The following KANK4 variants were observed in gnomAD, a reference collection of about 807,000 sequenced individuals.
KANK4 encodes KN motif and ankyrin repeat domain-containing protein 4.
A neutral mutation model predicts 80.8 loss-of-function variants in KANK4; 50 were observed. That is an observed-to-expected ratio of 0.62 (90% CI 0.49 to 0.78). The LOEUF is 0.78. Among genes scored for constraint, KANK4 ranks in the 30% least tolerant of loss-of-function variants. KANK4 has a pLI of 0.00. For synonymous variants in KANK4, 465 were observed against 506.9 expected, an observed-to-expected ratio of 0.92 and a Z score of 1.11; for missense variants, 1,196 against 1,240.1, an observed-to-expected ratio of 0.96 and a Z score of 0.53.
At chr1:62,281,760 G>C (rs1377977869) in intron 1 of KANK4, 126 bp from the exon 2 acceptor site, 3 of 654,926 alleles carry the variant, frequency 4.6e-6, no homozygotes, top group Non-Finnish European at 8.2e-6. Flanking sequence ...TGAGCTCACA[G>C]CCCTCCAAGG....
At chr1:62,267,273 G>A (rs11579934) in intron 5 of KANK4, among the ~76,000 whole-genome samples, 62,730 of 151,934 alleles carry the variant, frequency 0.41, 13,197 homozygotes, top group South Asian at 0.59. Flanking sequence ...GAAGGACACC[G>A]TAAGTACTAA....
chr1:62,251,185 G>A (rs1671607499), intron 8 of KANK4, among the ~76,000 whole-genome samples: 2 of 152,304 alleles, frequency 1.3e-5, no homozygotes, highest in South Asian at 2.1e-4. Flanking sequence ...CTGCAACGCA[G>A]CCCACTCCAT....
rs186170337 is a variant in KANK4, at chr1:62,314,594, C to G, written c.-71+4512G>C. Among the ~76,000 whole-genome samples, 20 of 152,096 alleles carry G rather than the reference C, an allele frequency of 1.3e-4. 1 individual carries two copies. Among genetic ancestry groups the G allele is most frequent in the African/African-American group, 4.1e-4 (17 of 41,380 alleles). ...CTCCCTATGCTGTATTTCTCTCCCC[C>G]CTTGTCATTTGACGTCAGAGCCACA... On this transcript the variant is annotated intron_variant, in intron 1 of 9. Coordinates refer to ENST00000371153, the MANE Select transcript of KANK4 (RefSeq NM_181712.5).
At chr1:62,255,616 A>G (rs934801015) in intron 7 of KANK4, among the ~76,000 whole-genome samples, 4 of 151,622 alleles carry the variant, frequency 2.6e-5, no homozygotes, top group African/African-American at 9.7e-5. Context: ...GGGGATAACA[A>G]CACAACCTAC....
chr1:62,255,135 T>C (rs953990168), intron 7 of KANK4, among the ~76,000 whole-genome samples: 3 of 151,956 alleles, frequency 2.0e-5, no homozygotes, highest in African/African-American at 7.3e-5. Context: ...TCCACCCACC[T>C]CAGCCTCCCA....
chr1:62,261,469 C>T lies in KANK4; in HGVS notation c.2539+1623G>A, dbSNP rs147071580. ...GCCACCATGCCTGACCTCCCAATGG[C>T]TTTTTGCTGTTTGGTTCCTACCATC... On this transcript the variant is annotated intron_variant, in intron 7 of 9. Coordinates refer to ENST00000371153, the MANE Select transcript of KANK4 (RefSeq NM_181712.5). Among the ~76,000 whole-genome samples the T allele has an allele frequency of 1.3e-4, 20 of 152,158 alleles. No individual in the cohort carries two copies. The Middle Eastern group carries it at 0.01, about 78-fold the overall frequency.
rs1282615199 is a variant in KANK4, at chr1:62,279,198, G to GCGCGCA, written c.16+2350_16+2351insTGCGCG. On this transcript the variant is annotated intron_variant, in intron 2 of 9. Transcript: ENST00000371153. ...TAGGTGCTTTCCTAAGCTAGCGCGC[G>GCGCGCA]CACACACACACACACACACACACAC... is the stretch of plus-strand genomic sequence containing the variant. Among the ~76,000 whole-genome samples the GCGCGCA allele has an allele frequency of 1.4e-3, 202 of 146,278 alleles. 1 individual carries two copies. The highest frequency in any genetic ancestry group is 2.5e-3 in the South Asian group (11 of 4,422).
chr1:62,308,218 G>T (rs1217998479), intron 1 of KANK4, among the ~76,000 whole-genome samples: 1 of 152,174 alleles, frequency 6.6e-6, no homozygotes, highest in Non-Finnish European at 1.5e-5. Context: ...CTACAGTTAT[G>T]ATGGATGACA....
At chr1:62,265,385 G>A (rs886299471) in intron 6 of KANK4, among the ~76,000 whole-genome samples, 1 of 152,022 alleles carries the variant, frequency 6.6e-6, no homozygotes, top group African/African-American at 2.4e-5. Context: ...GACTACAGGC[G>A]TGTGCCACCA....
chr1:62,243,319 T>A (rs1036212478), intron 9 of KANK4, among the ~76,000 whole-genome samples: 1 of 150,530 alleles, frequency 6.6e-6, no homozygotes, highest in Non-Finnish European at 1.5e-5. Context: ...ATTGCAGCAC[T>A]ATTGATATTT....
In KANK4 at chr1:62,237,347, G is replaced by A. The variant is rs998903694; in HGVS notation, c.*930C>T. 1 of 151,996 alleles carries A rather than the reference G, an allele frequency of 6.6e-6. No individual in the cohort carries two copies. The highest frequency in any genetic ancestry group is 2.4e-5 in the African/African-American group (1 of 41,350). 9.4% of individuals were successfully genotyped at this position (151,996 alleles called of 1,614,324 possible). ...CTCAGAACAGATATTTGCTTCTAGG[G>A]GATATGAGGGGAAAGCACCGGGAAT... On this transcript the variant is annotated 3_prime_UTR_variant, in exon 10 of 10. Coordinates refer to ENST00000371153, the MANE Select transcript of KANK4 (RefSeq NM_181712.5).
chr1:62,313,146 A>G (rs939516769), intron 1 of KANK4, among the ~76,000 whole-genome samples: 2 of 152,180 alleles, frequency 1.3e-5, no homozygotes, highest in African/African-American at 4.8e-5. Flanking sequence ...TATTGTTGTT[A>G]ATCTCTTACT....
chr1:62,309,937 C>T (rs541051151), intron 1 of KANK4, among the ~76,000 whole-genome samples: 1 of 152,318 alleles, frequency 6.6e-6, no homozygotes, highest in African/African-American at 2.4e-5. Flanking sequence ...CACCCGAAGG[C>T]GGCCACCCAC....
rs562136938 is a variant in KANK4, at chr1:62,246,870, C to A, written c.2883+602G>T. ...CTGCCTCCCACGTTCAAGCGGTTCTCCTGCCTCAGCCTCCTGAGTAGCTGG... is the reference window on the plus strand; with the variant it reads ...CTGCCTCCCACGTTCAAGCGGTTCTACTGCCTCAGCCTCCTGAGTAGCTGG... On this transcript the variant is annotated intron_variant, in intron 9 of 9. Coordinates refer to ENST00000371153, the MANE Select transcript of KANK4 (RefSeq NM_181712.5). Among the ~76,000 whole-genome samples, 38 of 152,122 alleles carry A rather than the reference C, an allele frequency of 2.5e-4. 1 individual carries two copies. The South Asian group carries it at 7.3e-3, about 29-fold the overall frequency.
chr1:62,303,145 C>T (rs898192063), intron 1 of KANK4, among the ~76,000 whole-genome samples: 3 of 148,814 alleles, frequency 2.0e-5, no homozygotes, highest in African/African-American at 7.4e-5. Flanking sequence ...TTGCAATAGT[C>T]AGTGAGGATA....
At chr1:62,256,737 G>A (rs544962501) in intron 7 of KANK4, among the ~76,000 whole-genome samples, 3 of 152,234 alleles carry the variant, frequency 2.0e-5, no homozygotes, top group Admixed American at 6.5e-5. Context: ...ATACCAGGCC[G>A]TCAGTGGAGA....
At chr1:62,319,081 G>T (rs1015667160) in intron 1 of KANK4, 25 bp downstream of exon 1, 11 of 152,352 alleles carry the variant, frequency 7.2e-5, no homozygotes, top group Admixed American at 3.3e-4. Context: ...GCACTGCGGG[G>T]GACTGGGGTC....
At chr1:62,295,888 TG>T (rs1178350474) in intron 1 of KANK4, among the ~76,000 whole-genome samples, 1 of 152,260 alleles carries the variant, frequency 6.6e-6, no homozygotes, top group Non-Finnish European at 1.5e-5. Flanking sequence ...TTGCAGCCTC[TG>T]GCTGCAGGGA....
chr1:62,263,203 G>C lies in KANK4; in HGVS notation c.2428C>G (p.Pro810Ala). 1 of 1,613,934 alleles carries C rather than the reference G, an allele frequency of 6.2e-7. No homozygotes were observed. Among genetic ancestry groups the C allele is most frequent in the East Asian group, 2.2e-5 (1 of 44,856 alleles). ...TTGACAAGCAGTTTCAGGAAGTGTG[G>C]GGAGTGAGGCTGGACCTCGTGGAGG... is the stretch of plus-strand genomic sequence containing the variant. ...SYLHEVQPHS[P>A]HFLKLLVNLA... The change falls in exon 7 of 10, where the codon CCA becomes GCA. Residue 810 changes from proline to alanine, a missense_variant. By Grantham distance (27) the Pro-to-Ala change is conservative (BLOSUM62 -1). Around this residue, in one of 3 missense-constraint regions of KANK4, gnomAD observed 1,154 missense variants for 1,179.6 expected, o/e 0.98. Coordinates refer to ENST00000371153, the MANE Select transcript of KANK4 (RefSeq NM_181712.5).
Sources: allele counts gnomAD v4.1 joint callset (sites outside exome capture counted in the v4.1 genomes callset), GRCh38; gene constraint gnomAD v4.1.1; regional missense constraint gnomAD v4.1.1; transcripts MANE v1.5; gene names NCBI Gene and HGNC (gene_info 2026-07-23, HGNC 2026-07-21).